LRRD1: variants seen among roughly 807,000 people sequenced by gnomAD.
LRRD1 encodes the protein leucine-rich repeat and death domain-containing protein 1.
LRRD1 carries 49 observed loss-of-function variants against 69.5 expected under a neutral mutation model. The ratio of observed to expected loss-of-function variants is 0.70; its 90% CI spans 0.56 to 0.89. LRRD1 has a LOEUF of 0.89. Ranked by LOEUF, LRRD1 falls within the 40% of genes least tolerant of loss-of-function variation. LRRD1 has a pLI of 0.00. For missense variants in LRRD1, 853 were observed against 956.0 expected (o/e 0.89, Z 1.42); for synonymous variants, 303 against 338.9 (o/e 0.89, Z 1.16).
chr7:92,164,289 A>G lies in LRRD1; in HGVS notation c.914T>C (p.Leu305Ser). ...FPKALCFLPK[L>S]ISLDLTGNLI... ...GTTTCCAGTAAGGTCTAGTGAAATT[A>G]ACTTTGGAAGGAAGCAGAGAGCTTT... Residue 305 changes from leucine to serine, a missense_variant, in exon 2 of 6, where the codon TTA becomes TCA. This residue lies in a region of LRRD1 where 739 missense variants were observed against 808.0 expected (regional missense o/e 0.91). Transcript: ENST00000458448. 1 of 1,551,002 alleles carries G rather than the reference A, an allele frequency of 6.4e-7. No homozygotes were observed. The highest frequency in any genetic ancestry group is 8.7e-7 in the Non-Finnish European group (1 of 1,146,688).
intron 2 of LRRD1, among the ~76,000 whole-genome samples, chr7:92,161,672 T>C (rs1788799284): frequency 6.6e-6 from 1 of 151,934 alleles, no homozygotes; most frequent in Non-Finnish European, 1.5e-5. Context: ...GTATAACTGA[T>C]GATGGAAAAG....
In LRRD1 at chr7:92,154,572, T is replaced by A. The variant is rs1017486789; in HGVS notation, c.2117-3877A>T. 5.9e-5 allele frequency among the ~76,000 whole-genome samples: 9 copies of A among 152,296 alleles called. No homozygotes were observed. The East Asian group carries it at 1.5e-3, about 26-fold the overall frequency. ...TTAATATTTTTTCACTTTTTTTTTT[T>A]TGCAAAACAATATTTTTCTATGTTC... On this transcript the variant is annotated intron_variant, in intron 3 of 5. Transcript: ENST00000458448.
intron 1 of LRRD1, among the ~76,000 whole-genome samples, chr7:92,170,442 A>C (rs1789030671): frequency 6.6e-6 from 1 of 152,228 alleles, no homozygotes; most frequent in African/African-American, 2.4e-5. Flanking sequence ...GGCATGTAAT[A>C]ATCAAACAAA....
At chr7:92,142,760 C>T (rs928644468), downstream of LRRD1, 44 of 441,646 alleles carry the variant, frequency 1.0e-4, no homozygotes, top group Non-Finnish European at 1.9e-4. Context: ...CTTAAGGCGG[C>T]GCGTCTGGAG....
At chr7:92,153,146 C>A (rs1235131088) in intron 3 of LRRD1, among the ~76,000 whole-genome samples, 1 of 152,126 alleles carries the variant, frequency 6.6e-6, no homozygotes, top group African/African-American at 2.4e-5. Flanking sequence ...CTCACCTCAG[C>A]CTCTGCCTCC....
chr7:92,148,820 T>A (rs890365372), intron 4 of LRRD1, among the ~76,000 whole-genome samples: 1 of 151,968 alleles, frequency 6.6e-6, no homozygotes, highest in African/African-American at 2.4e-5. Context: ...TGATCTCGGC[T>A]CACTGCAACC....
intron 1 of LRRD1, among the ~76,000 whole-genome samples, chr7:92,174,470 AATATATATATATAT>A (rs1186084706): frequency 5.4e-3 from 110 of 20,242 alleles, no homozygotes; most frequent in African/African-American, 0.014. Context: ...TATCAATTAG[AATATATATATATAT>A]ATATATATAT....
intron 4 of LRRD1, among the ~76,000 whole-genome samples, chr7:92,147,671 A>T (rs531814440): frequency 4.6e-4 from 70 of 152,250 alleles, no homozygotes; most frequent in African/African-American, 1.5e-3. Context: ...TAGTTTTTTT[A>T]ATTAAAACTT....
intron 2 of LRRD1, among the ~76,000 whole-genome samples, chr7:92,162,149 G>A (rs1563191994): frequency 1.3e-5 from 2 of 152,182 alleles, no homozygotes; most frequent in Non-Finnish European, 2.9e-5. Flanking sequence ...CATTCCATCT[G>A]CTTAAGCAAG....
intron 3 of LRRD1, 64 bp downstream of exon 3, chr7:92,158,941 T>C (rs1352459320): frequency 7.4e-7 from 1 of 1,344,686 alleles, no homozygotes; most frequent in Admixed American, 3.0e-5. Context: ...GTCAGCAAAA[T>C]TTGCAACTCA....
chr7:92,165,182 C>T lies in LRRD1; in HGVS notation c.21G>A (p.Met7Ile), dbSNP rs1333691925. 6.7e-7 allele frequency: 1 copy of T among 1,490,750 alleles called. No individual in the cohort carries two copies. Among genetic ancestry groups the T allele is most frequent in the Non-Finnish European group, 9.0e-7 (1 of 1,115,130 alleles). 92.3% of individuals were successfully genotyped at this position (1,490,750 alleles called of 1,614,324 possible). Residue 7 changes from methionine (M) to isoleucine (I), a missense_variant, in exon 2 of 6, where the codon ATG becomes ATA. By Grantham distance (10) the Met-to-Ile change is conservative (BLOSUM62 1). Transcript: ENST00000458448. The part of the protein sequence containing the change: MSEKEG[M>I]SEVLEDTISQ... Reference sequence around the variant, plus strand: ...TAATAGTATCCTCTAGCACTTCTGACATACCCTCCTTTTCAGACATCTTAT... The same window carrying T: ...TAATAGTATCCTCTAGCACTTCTGATATACCCTCCTTTTCAGACATCTTAT...
chr7:92,163,980 G>A lies in LRRD1; in HGVS notation c.1223C>T (p.Thr408Ile). 6.5e-7 allele frequency: 1 copy of A among 1,530,012 alleles called. No individual in the cohort carries two copies. Among genetic ancestry groups the A allele is most frequent in the Non-Finnish European group, 8.8e-7 (1 of 1,139,762 alleles). 94.8% of individuals were successfully genotyped at this position (1,530,012 alleles called of 1,614,324 possible). ...ECLSLSDNKL[T>I]ELPKYIHKLN... ...CTTATGGATGTACTTAGGGAGTTCT[G>A]TTAATTTATTATCACTAAGACTAAG... Residue 408 changes from threonine to isoleucine, a missense_variant, in exon 2 of 6, where the codon ACA (threonine) becomes ATA (isoleucine). By Grantham distance (89) the Thr-to-Ile change is moderately conservative. Transcript: ENST00000458448.
At chr7:92,175,673 A>C (rs1789178760) in intron 1 of LRRD1, among the ~76,000 whole-genome samples, 1 of 152,142 alleles carries the variant, frequency 6.6e-6, no homozygotes, top group African/African-American at 2.4e-5. Flanking sequence ...ACAAAAAAAC[A>C]AAAACAGAGT....
At chr7:92,156,047 C>A (rs866867618) in intron 3 of LRRD1, among the ~76,000 whole-genome samples, 1 of 152,224 alleles carries the variant, frequency 6.6e-6, no homozygotes. Flanking sequence ...TTTGGGAACA[C>A]CCTCACAGAC....
chr7:92,174,990 A>T (rs1789161032), intron 1 of LRRD1, among the ~76,000 whole-genome samples: 1 of 151,988 alleles, frequency 6.6e-6, no homozygotes, highest in African/African-American at 2.4e-5. Context: ...GCTTGAACTC[A>T]GGAGGTGGAG....
Position 92,163,943 on chromosome 7 carries a change from T to C in LRRD1, c.1260A>G (p.Leu420=). Residue 420 remains leucine (L), a synonymous_variant, in exon 2 of 6, where the codon TTA becomes TTG. Coordinates refer to ENST00000458448, the MANE Select transcript of LRRD1 (RefSeq NM_001161528.2). ...TATTTCTGTTTACATGGAGTTTTCT[T>C]AAATTGTTAAGCTTATGGATGTACT... The part of the protein sequence containing the change: ...LPKYIHKLNN[L]RKLHVNRNNM... 6.5e-7 allele frequency: 1 copy of C among 1,537,776 alleles called. No homozygotes were observed. Among genetic ancestry groups the C allele is most frequent in the South Asian group, 1.2e-5 (1 of 81,866 alleles).
chr7:92,160,330 C>G lies in LRRD1; in HGVS notation c.1918-1127G>C, dbSNP rs534915766. 2.6e-5 allele frequency among the ~76,000 whole-genome samples: 4 copies of G among 151,900 alleles called. No individual in the cohort carries two copies. In the East Asian group the frequency reaches 7.7e-4, roughly 29 times the overall value. ...GCATAAGAAATAGTCTCCAACTTCA[C>G]GGAGATTAAATTTTATTTTAGGGAA... On this transcript the variant is annotated intron_variant, in intron 2 of 5. Coordinates refer to ENST00000458448, the MANE Select transcript of LRRD1 (RefSeq NM_001161528.2).
chr7:92,163,211 A>G, intron 2 of LRRD1, 75 bp downstream of exon 2: 1 of 983,004 alleles, frequency 1.0e-6, no homozygotes, highest in Non-Finnish European at 1.4e-6. Context: ...CGGTACCCAC[A>G]GATACACCAC....
intron 1 of LRRD1, among the ~76,000 whole-genome samples, chr7:92,168,793 T>C (rs1788984749): frequency 6.6e-6 from 1 of 152,020 alleles, no homozygotes; most frequent in African/African-American, 2.4e-5. Context: ...CATATGTACA[T>C]CCATAAGAAA....
Sources: allele counts gnomAD v4.1 joint callset (sites outside exome capture counted in the v4.1 genomes callset), GRCh38; gene constraint gnomAD v4.1.1; regional missense constraint gnomAD v4.1.1; transcripts MANE v1.5; gene names NCBI Gene and HGNC (gene_info 2026-07-23, HGNC 2026-07-21).